Variants in SWT1 observed in about 807,000 individuals in gnomAD.
The protein encoded by SWT1 is transcriptional protein SWT1.
A neutral mutation model predicts 107.3 loss-of-function variants in SWT1; 33 were observed. The observed-to-expected ratio is 0.31, with a 90% CI of 0.23 to 0.41. The LOEUF (loss-of-function observed/expected upper bound fraction) is 0.41. Ranked by LOEUF, SWT1 falls within the 10% of genes least tolerant of loss-of-function variation. SWT1 has a pLI of 1.00. For missense variants in SWT1, 898 were observed against 1,028.9 expected (o/e 0.87, Z 1.74); for synonymous variants, 345 against 348.3 (o/e 0.99, Z 0.11).
intron 7 of SWT1, among the ~76,000 whole-genome samples, chr1:185,183,344 G>T (rs1656187381): frequency 6.6e-6 from 1 of 151,876 alleles, no homozygotes; most frequent in African/African-American, 2.4e-5. Flanking sequence ...ATCCAGGCTG[G>T]AATTGGAGCT....
Position 185,174,465 on chromosome 1 carries a change from T to C in SWT1, c.318T>C (p.Asn106=), listed in dbSNP as rs1347035752. The C allele has an allele frequency of 6.2e-7, 1 of 1,610,234 alleles. No homozygotes were observed. The highest frequency in any genetic ancestry group is 1.7e-5 in the Admixed American group (1 of 59,028). Residue 106 remains asparagine, a synonymous_variant, in exon 5 of 19, where the codon AAT becomes AAC. Coordinates refer to ENST00000367500, the MANE Select transcript of SWT1 (RefSeq NM_017673.7). ...PIKLKEASYS[N]DNQIILQSPS... ...AACTCAAAGAAGCATCATATTCAAA[T>C]GATAATCAAATTATTTTGCAGAGTC...
chr1:185,205,219 A>T (rs573576747), intron 12 of SWT1, among the ~76,000 whole-genome samples: 2 of 152,322 alleles, frequency 1.3e-5, no homozygotes, highest in South Asian at 4.1e-4. Flanking sequence ...TCAGAAAAAG[A>T]AGTATGTATT....
chr1:185,233,012 T>C (rs994231544), intron 16 of SWT1, among the ~76,000 whole-genome samples: 5 of 152,130 alleles, frequency 3.3e-5, no homozygotes, highest in African/African-American at 1.2e-4. Flanking sequence ...GTTCTCAAAG[T>C]GTAATCACAA....
intron 15 of SWT1, among the ~76,000 whole-genome samples, chr1:185,228,378 C>G (rs1325869137): frequency 6.6e-6 from 1 of 150,944 alleles, no homozygotes; most frequent in African/African-American, 2.4e-5. Context: ...AAAAGTTAGC[C>G]TTGTGTGGTA....
intron 16 of SWT1, among the ~76,000 whole-genome samples, chr1:185,251,867 A>G (rs1425635910): frequency 6.6e-6 from 1 of 151,942 alleles, no homozygotes; most frequent in African/African-American, 2.4e-5. Flanking sequence ...ATATGTATAC[A>G]TGTGCCATGC....
chr1:185,265,481 T>G (rs1274364352), intron 16 of SWT1, among the ~76,000 whole-genome samples: 2 of 152,222 alleles, frequency 1.3e-5, no homozygotes, highest in Non-Finnish European at 2.9e-5. Context: ...TCACCGAGTT[T>G]ATCAATAACA....
chr1:185,214,754 C>T, intron 14 of SWT1, 99 bp downstream of exon 14: 2 of 980,736 alleles, frequency 2.0e-6, no homozygotes, highest in East Asian at 5.3e-5. Flanking sequence ...TTAATTCTAA[C>T]TTATTCTAAC....
At chr1:185,190,193 C>T (rs943313851) in intron 9 of SWT1, among the ~76,000 whole-genome samples, 4 of 152,236 alleles carry the variant, frequency 2.6e-5, no homozygotes, top group African/African-American at 9.6e-5. Flanking sequence ...TTTAGTTTCA[C>T]GGGAAAATTG....
chr1:185,193,725 A>G (rs918257827), intron 10 of SWT1, among the ~76,000 whole-genome samples: 1 of 152,150 alleles, frequency 6.6e-6, no homozygotes, highest in Non-Finnish European at 1.5e-5. Flanking sequence ...TTGGCCTCCC[A>G]AAGTGCTGGG....
chr1:185,166,864 A>G (rs1452367951), intron 3 of SWT1, among the ~76,000 whole-genome samples: 1 of 152,132 alleles, frequency 6.6e-6, no homozygotes, highest in Admixed American at 6.5e-5. Context: ...CATGGCTATA[A>G]ATTTAGACAG....
chr1:185,182,138 T>A, intron 7 of SWT1, 81 bp downstream of exon 7: 1 of 1,396,708 alleles, frequency 7.2e-7, no homozygotes, highest in Non-Finnish European at 9.7e-7. Flanking sequence ...TTATAATATT[T>A]AGATGAAAAA....
rs78518559 is a variant in SWT1 at position 185,221,678 on chromosome 1, T to C, written c.2122-171T>C. ...GTTTGATTTAAATGGAAAAGGAAAA[T>C]ATCTTTTCTAGCTCTGATGCTTTTC... is the stretch of plus-strand genomic sequence containing the variant. On this transcript the variant is annotated intron_variant, in intron 14 of 18. Transcript: ENST00000367500. 1.3e-3 allele frequency among the ~76,000 whole-genome samples: 191 copies of C among 152,302 alleles called. 2 individuals are homozygous for C. In the East Asian group the frequency reaches 0.033, roughly 27 times the overall value.
chr1:185,276,420 A>C (rs557990351), intron 17 of SWT1, among the ~76,000 whole-genome samples, 184 bp from the exon 18 acceptor site: 4 of 152,274 alleles, frequency 2.6e-5, no homozygotes, highest in African/African-American at 9.6e-5. Context: ...AGTGGGATTC[A>C]TATTTTTGCA....
Position 185,174,431 on chromosome 1 carries a change from G to A in SWT1, c.284G>A (p.Arg95Lys), listed in dbSNP as rs372249981. The change falls in exon 5 of 19, where the codon AGA becomes AAA. Residue 95 changes from arginine to lysine, a missense_variant. By Grantham distance (26) the Arg-to-Lys change is conservative. Around this residue, in one of 6 missense-constraint regions of SWT1, gnomAD observed 382 missense variants for 362.4 expected, o/e 1.05. Coordinates refer to ENST00000367500, the MANE Select transcript of SWT1 (RefSeq NM_017673.7). Reference sequence around the variant, plus strand: ...CCAAAAATCGGTTCTTCATCCCAAAGACCTATTAAACTCAAAGAAGCATCA... The same window carrying A: ...CCAAAAATCGGTTCTTCATCCCAAAAACCTATTAAACTCAAAGAAGCATCA... The part of the protein sequence containing the change: ...RRPKIGSSSQ[R>K]PIKLKEASYS... The A allele has an allele frequency of 6.3e-7, 1 of 1,599,872 alleles. No individual in the cohort carries two copies. The highest frequency in any genetic ancestry group is 8.5e-7 in the Non-Finnish European group (1 of 1,175,916).
At position 185,163,214 on chromosome 1, in the gene SWT1, A is replaced by G. The variant is rs74458122; in HGVS notation, c.84+2289A>G. 5.7e-3 allele frequency among the ~76,000 whole-genome samples: 871 copies of G among 152,190 alleles called. 36 individuals carry two copies. In the East Asian group the frequency reaches 0.091, roughly 16 times the overall value. The stretch of plus-strand genomic sequence containing the variant: ...CTGTAGCATGCAATTCAGTTTGATA[A>G]CATTTTACAGCAGAACTTTCAAAAT... On this transcript the variant is annotated intron_variant, in intron 2 of 18. Transcript: ENST00000367500.
chr1:185,218,483 A>C (rs1659392984), intron 14 of SWT1, among the ~76,000 whole-genome samples: 1 of 151,918 alleles, frequency 6.6e-6, no homozygotes, highest in Non-Finnish European at 1.5e-5. Flanking sequence ...CTAATTTTTA[A>C]ATTTTTTTGT....
chr1:185,288,396 A>G (rs911020606), intron 18 of SWT1, among the ~76,000 whole-genome samples: 1 of 152,176 alleles, frequency 6.6e-6, no homozygotes, highest in African/African-American at 2.4e-5. Context: ...TCAGTCTCAG[A>G]GAAACCACAC....
Position 185,291,027 on chromosome 1 carries a change from A to G in SWT1, c.*224A>G, listed in dbSNP as rs2102802043. On this transcript the variant is annotated 3_prime_UTR_variant, in exon 19 of 19. Coordinates refer to ENST00000367500, the MANE Select transcript of SWT1 (RefSeq NM_017673.7). Reference sequence around the variant, plus strand: ...AGACTCAACTCTTCTGGAGTTCACAATGCCTCCCTACCTCTATTCTTGATA... The same window carrying G: ...AGACTCAACTCTTCTGGAGTTCACAGTGCCTCCCTACCTCTATTCTTGATA... 3.5e-6 allele frequency: 1 copy of G among 284,842 alleles called. No homozygotes were observed. 17.6% of individuals were successfully genotyped at this position (284,842 alleles called of 1,614,324 possible). A position where few individuals can be genotyped will look rare whatever the true frequency, so the allele number is the denominator to read the frequency against.
At chr1:185,181,484 G>T (rs1656014518) in intron 6 of SWT1, among the ~76,000 whole-genome samples, 1 of 152,048 alleles carries the variant, frequency 6.6e-6, no homozygotes, top group Non-Finnish European at 1.5e-5. Flanking sequence ...GTTTATGATG[G>T]TTCATAACAA....
Sources: gnomAD v4.1 joint callset for allele counts (sites outside exome capture counted in the v4.1 genomes callset) on GRCh38, gnomAD v4.1.1 for gene constraint, gnomAD v4.1.1 regional missense constraint, MANE v1.5 for transcripts, NCBI Gene and HGNC (gene_info 2026-07-23, HGNC 2026-07-21) for gene names.